MYCBP2: variants seen among roughly 807,000 people sequenced by gnomAD.
MYCBP2 encodes the protein MYC binding protein 2, also known as E3 ubiquitin-protein ligase MYCBP2.
In MYCBP2, 120 loss-of-function variants were observed where a neutral mutation model predicts 525.3. The ratio of observed to expected loss-of-function variants is 0.23; its 90% CI spans 0.20 to 0.27. The LOEUF is 0.27. MYCBP2 is among the 10% of genes least tolerant of loss of function. MYCBP2 has a pLI of 1.00. For synonymous variants in MYCBP2, 1,894 were observed against 1,955.8 expected, an observed-to-expected ratio of 0.97 and a Z score of 0.83; for missense variants, 4,149 against 5,657.1, an observed-to-expected ratio of 0.73 and a Z score of 8.55.
chr13:77,106,455 T>G (rs962394583), intron 55 of MYCBP2, among the ~76,000 whole-genome samples: 1 of 152,118 alleles, frequency 6.6e-6, no homozygotes, highest in Non-Finnish European at 1.5e-5. Flanking sequence ...TGGAAATACA[T>G]TATATTCAGG....
intron 15 of MYCBP2, among the ~76,000 whole-genome samples, chr13:77,246,916 A>G (rs2070131734): frequency 6.6e-6 from 1 of 152,196 alleles, no homozygotes; most frequent in African/African-American, 2.4e-5. Context: ...ACAAAATTCA[A>G]TGCCCTTTCA....
rs113547395 is a variant in MYCBP2 at position 77,066,876 on chromosome 13, A to G, written c.12455+705T>C. Among the ~76,000 whole-genome samples, 1,201 of 150,978 alleles carry G rather than the reference A, an allele frequency of 8.0e-3. 18 individuals are homozygous for G. The highest frequency in any genetic ancestry group is 0.028 in the African/African-American group (1,149 of 41,112). On this transcript the variant is annotated intron_variant, in intron 71 of 82. Transcript: ENST00000544440. The stretch of plus-strand genomic sequence containing the variant: ...TTCTGTGAACTGACTACTGGCATTT[A>G]TAAGTTTTTTTCTGTGAACTGACTG...
Position 77,097,451 on chromosome 13 carries a change from G to C in MYCBP2, c.9703C>G (p.Pro3235Ala), listed in dbSNP as rs766161177. 1.9e-6 allele frequency: 3 copies of C among 1,613,424 alleles called. No individual in the cohort carries two copies. The highest frequency in any genetic ancestry group is 1.1e-5 in the South Asian group (1 of 91,062). ...AGTTCACAGATGGTATCTTTCTCTGGTCCTCCTACTGCCAGCTGGGCCATC... is the reference window on the plus strand; with the variant it reads ...AGTTCACAGATGGTATCTTTCTCTGCTCCTCCTACTGCCAGCTGGGCCATC... The part of the protein sequence containing the change: ...GEMAQLAVGG[P>A]EKDTICELCG... Residue 3235 changes from proline (P) to alanine (A), a missense_variant, in exon 56 of 83, where the codon CCA (proline) becomes GCA (alanine). Coordinates refer to ENST00000544440, the MANE Select transcript of MYCBP2 (RefSeq NM_015057.5).
At chr13:77,051,724 G>T in intron 81 of MYCBP2, 87 bp downstream of exon 81, 1 of 966,284 alleles carries the variant, frequency 1.0e-6, no homozygotes, top group Non-Finnish European at 1.6e-6. Flanking sequence ...AGAAAAGCCT[G>T]ATTTACATTC....
intron 7 of MYCBP2, among the ~76,000 whole-genome samples, chr13:77,269,110 TA>T (rs2074496143): frequency 6.6e-6 from 1 of 152,194 alleles, no homozygotes; most frequent in African/African-American, 2.4e-5. Flanking sequence ...TGTAAAAGGC[TA>T]ACACCTATCT....
At chr13:77,177,136 A>G (rs1173857378) in intron 35 of MYCBP2, among the ~76,000 whole-genome samples, 1 of 150,672 alleles carries the variant, frequency 6.6e-6, no homozygotes, top group Non-Finnish European at 1.5e-5. Flanking sequence ...TGTTTCTTGA[A>G]AAATGACAAT....
chr13:77,274,304 A>T (rs1249459994), intron 4 of MYCBP2, among the ~76,000 whole-genome samples: 1 of 152,214 alleles, frequency 6.6e-6, no homozygotes, highest in African/African-American at 2.4e-5. Flanking sequence ...CAAATGTTTT[A>T]CAACCAGCAG....
At chr13:77,138,358 T>C (rs1377054022) in intron 52 of MYCBP2, among the ~76,000 whole-genome samples, 4 of 152,228 alleles carry the variant, frequency 2.6e-5, no homozygotes, top group Non-Finnish European at 4.4e-5. Flanking sequence ...AACATTATTA[T>C]GGACAATCAA....
Position 77,270,506 on chromosome 13 carries a change from A to G in MYCBP2, c.978T>C (p.Ser326=). Residue 326 remains serine, a synonymous_variant, in exon 6 of 83, where the codon AGT becomes AGC. Coordinates refer to ENST00000544440, the MANE Select transcript of MYCBP2 (RefSeq NM_015057.5). ...VPTILNSLQR[S]VQAVLVGKIQ... is the part of the protein sequence containing the mutation. ...TTTTTCCCACCAAAACTGCTTGTAC[A>G]CTTCTCTGTAGCGAATTTAGAATTG... 1 of 1,612,896 alleles carries G rather than the reference A, an allele frequency of 6.2e-7. No homozygotes were observed. Among genetic ancestry groups the G allele is most frequent in the Non-Finnish European group, 8.5e-7 (1 of 1,179,258 alleles).
intron 28 of MYCBP2, among the ~76,000 whole-genome samples, chr13:77,191,002 C>T (rs1244112239): frequency 2.6e-5 from 4 of 152,102 alleles, no homozygotes; most frequent in African/African-American, 7.2e-5. Flanking sequence ...CTTTAGAATA[C>T]ATAAATCATA....
intron 20 of MYCBP2, among the ~76,000 whole-genome samples, chr13:77,220,939 C>T (rs1194762543): frequency 6.6e-6 from 1 of 152,124 alleles, no homozygotes; most frequent in African/African-American, 2.4e-5. Flanking sequence ...CTTTCAGTTA[C>T]CACTCAATGG....
chr13:77,297,205 T>A (rs1414499550), intron 1 of MYCBP2, among the ~76,000 whole-genome samples: 1 of 152,152 alleles, frequency 6.6e-6, no homozygotes, highest in Non-Finnish European at 1.5e-5. Context: ...AGCCCCTGAA[T>A]AACTTTTGAG....
intron 1 of MYCBP2, among the ~76,000 whole-genome samples, chr13:77,324,520 T>G (rs933869467): frequency 6.6e-6 from 1 of 152,220 alleles, no homozygotes; most frequent in Non-Finnish European, 1.5e-5. Context: ...AGGCTACTTT[T>G]TGTAATAAAA....
chr13:77,273,760 C>A, intron 4 of MYCBP2, 92 bp from the exon 5 acceptor site: 1 of 1,028,558 alleles, frequency 9.7e-7, no homozygotes, highest in East Asian at 3.0e-5. Flanking sequence ...TCATTATAAA[C>A]GAAATTTAAG....
intron 46 of MYCBP2, among the ~76,000 whole-genome samples, chr13:77,153,230 A>G (rs12560694): frequency 0.46 from 69,265 of 152,054 alleles, 19,774 homozygotes; most frequent in Non-Finnish European, 0.64. Context: ...GCTGTTTAAC[A>G]CTTAGCCATC....
At chr13:77,141,188 A>C (rs886159597) in intron 49 of MYCBP2, among the ~76,000 whole-genome samples, 12 of 152,188 alleles carry the variant, frequency 7.9e-5, no homozygotes, top group African/African-American at 2.9e-4. Context: ...TTTAACTAGA[A>C]CATATGAAAT....
chr13:77,270,908 T>C (rs1195978116), intron 5 of MYCBP2, among the ~76,000 whole-genome samples: 1 of 152,186 alleles, frequency 6.6e-6, no homozygotes, highest in Admixed American at 6.5e-5. Context: ...GTCTCTCTGT[T>C]GCATTCTAGA....
intron 71 of MYCBP2, among the ~76,000 whole-genome samples, chr13:77,066,488 G>C (rs1207841693): frequency 6.6e-6 from 1 of 152,194 alleles, no homozygotes; most frequent in Non-Finnish European, 1.5e-5. Context: ...GTGATACAAT[G>C]ATTAACATTC....
At chr13:77,137,507 C>T (rs1016644614) in intron 52 of MYCBP2, among the ~76,000 whole-genome samples, 6 of 152,086 alleles carry the variant, frequency 3.9e-5, no homozygotes, top group African/African-American at 1.2e-4. Flanking sequence ...AATATGAGCA[C>T]TTTGTGAGGC....
Sources: allele counts gnomAD v4.1 joint callset (sites outside exome capture counted in the v4.1 genomes callset), GRCh38; gene constraint gnomAD v4.1.1; transcripts MANE v1.5; gene names NCBI Gene and HGNC (gene_info 2026-07-23, HGNC 2026-07-21).